Variants in F7 observed in about 807,000 individuals in gnomAD.
The protein encoded by F7 is coagulation factor VII, also known as FVII coagulation protein.
A neutral mutation model predicts 47.5 loss-of-function variants in F7; 38 were observed. The observed-to-expected ratio is 0.80, with a 90% CI of 0.62 to 1.05. F7 has a LOEUF of 1.05. F7 is among the 50% of genes least tolerant of loss of function. The pLI, the probability that F7 is intolerant of heterozygous loss-of-function variation, is 0.00. For synonymous variants in F7, 244 were observed against 258.5 expected, an observed-to-expected ratio of 0.94 and a Z score of 0.54; for missense variants, 575 against 605.4, an observed-to-expected ratio of 0.95 and a Z score of 0.53.
chr13:113,106,878 G>C (rs753973045), intron 1 of F7: 19 of 1,606,814 alleles, frequency 1.2e-5, no homozygotes, highest in Admixed American at 1.7e-5. Context: ...GGAGAAACAC[G>C]GGACATGCCG....
chr13:113,111,670 A>G (rs1422507304), intron 2 of F7, among the ~76,000 whole-genome samples: 12 of 77,002 alleles, frequency 1.6e-4, no homozygotes, highest in African/African-American at 3.3e-4. Context: ...ACCTCACACA[A>G]GACACCTCAC....
intron 1 of F7, among the ~76,000 whole-genome samples, chr13:113,107,308 GGCGTGGGT>G (rs2035983015): frequency 8.8e-6 from 1 of 113,406 alleles, no homozygotes; most frequent in Non-Finnish European, 1.9e-5. Context: ...GTGTCCCGGG[GGCGTGGGT>G]GTCCCGGGAG....
At chr13:113,117,878 T>A (rs1476957317) in intron 7 of F7, among the ~76,000 whole-genome samples, 2 of 152,232 alleles carry the variant, frequency 1.3e-5, no homozygotes, top group African/African-American at 4.8e-5. Flanking sequence ...CAGACAGACA[T>A]CCCCAAAAGG....
At position 113,107,027 on chromosome 13, in the gene F7, G is replaced by A. The variant is rs2035974239; in HGVS notation, c.64+1122G>A. On this transcript the variant is annotated intron_variant, in intron 1 of 7. Coordinates refer to ENST00000346342, the MANE Select transcript of F7 (RefSeq NM_019616.4). The stretch of plus-strand genomic sequence containing the variant: ...GGTGGCTACTGCAGTGCCCCCCAAG[G>A]AGGGTGTTCCCTGCTCGAGAGGAAG... 2.5e-6 allele frequency: 3 copies of A among 1,196,982 alleles called. No individual in the cohort carries two copies. The South Asian group carries it at 3.9e-5, about 16-fold the overall frequency. 74.1% of individuals were successfully genotyped at this position (1,196,982 alleles called of 1,614,324 possible). A position where few individuals can be genotyped will look rare whatever the true frequency, so the allele number is the denominator to read the frequency against.
intron 2 of F7, among the ~76,000 whole-genome samples, chr13:113,112,461 C>A (rs1181766316): frequency 2.7e-5 from 4 of 148,586 alleles, no homozygotes; most frequent in Admixed American, 2.7e-4. Context: ...TCACAGGATA[C>A]CTCACACTCA....
At chr13:113,117,404 C>G in intron 6 of F7, 69 bp from the exon 7 acceptor site, 3 of 1,602,376 alleles carry the variant, frequency 1.9e-6, no homozygotes, top group Non-Finnish European at 1.7e-6. Flanking sequence ...TTGGCATGCC[C>G]GGGAGGGCGA....
At position 113,110,842 on chromosome 13, in the gene F7, G is replaced by A. The variant is rs550453328; in HGVS notation, c.217G>A (p.Glu73Lys). Residue 73 changes from glutamate (E) to lysine (K), a missense_variant, in exon 2 of 8, where the codon GAG (glutamate) becomes AAG (lysine). Transcript: ENST00000346342. ...GGCCCGGGAGATCTTCAAGGACGCG[G>A]AGAGGACGGTGAGCCCAGCCTCGGG... ...EEAREIFKDA[E>K]RTKLFWISYS... 6.7e-5 allele frequency: 104 copies of A among 1,560,352 alleles called. No homozygotes were observed. Among genetic ancestry groups the A allele is most frequent in the Non-Finnish European group, 8.6e-5 (99 of 1,152,948 alleles).
At position 113,113,866 on chromosome 13, in the gene F7, A is replaced by G; in HGVS notation, c.270A>G (p.Ser90=). ...CCACAGATGGGGACCAGTGTGCCTC[A>G]AGTCCATGCCAGAATGGGGGCTCCT... ...ISYSDGDQCA[S]SPCQNGGSCK... is the part of the protein sequence containing the mutation. Residue 90 remains serine, a synonymous_variant, in exon 4 of 8, where the codon TCA becomes TCG. Transcript: ENST00000346342. This position sits in a 1 kb window ranked among gnomAD's most constrained non-coding sequence, Gnocchi z 4.1. 6.2e-7 allele frequency: 1 copy of G among 1,614,160 alleles called. No homozygotes were observed. The highest frequency in any genetic ancestry group is 8.5e-7 in the Non-Finnish European group (1 of 1,180,028).
At chr13:113,116,525 C>T (rs571359380) in intron 5 of F7, among the ~76,000 whole-genome samples, 2 of 152,384 alleles carry the variant, frequency 1.3e-5, no homozygotes, top group South Asian at 4.1e-4. Context: ...AAAACCAGCC[C>T]TGACCATTGT....
chr13:113,113,925 G>A lies in F7; in HGVS notation c.329G>A (p.Cys110Tyr). ...CAGCTCCAGTCCTATATCTGCTTCT[G>A]CCTCCCTGCCTTCGAGGGCCGGAAC... Reference protein sequence around the residue: ...KDQLQSYICFCLPAFEGRNCE... With the variant: ...KDQLQSYICFYLPAFEGRNCE... The change falls in exon 4 of 8, where the codon TGC (cysteine) becomes TAC (tyrosine). Residue 110 changes from cysteine (C) to tyrosine (Y), a missense_variant. Cys to Tyr is a radical substitution (Grantham distance 194). Transcript: ENST00000346342. The surrounding 1 kb of genome is among the most constrained non-coding windows in gnomAD (Gnocchi z 4.1). 1 of 1,614,126 alleles carries A rather than the reference G, an allele frequency of 6.2e-7. No individual in the cohort carries two copies.
chr13:113,107,361 T>C (rs1262436237), intron 1 of F7, among the ~76,000 whole-genome samples: 1 of 32,460 alleles, frequency 3.1e-5, no homozygotes, highest in African/African-American at 1.5e-4. Context: ...GTCCCGGGAG[T>C]GTGGGTGTCC....
chr13:113,112,999 G>T (rs979640599), intron 2 of F7, among the ~76,000 whole-genome samples: 2 of 151,308 alleles, frequency 1.3e-5, no homozygotes, highest in African/African-American at 4.9e-5. Flanking sequence ...ACCTCACACA[G>T]ATCATCTCAT....
chr13:113,111,524 C>T (rs1409276065), intron 2 of F7, among the ~76,000 whole-genome samples: 2 of 29,070 alleles, frequency 6.9e-5, no homozygotes, highest in Non-Finnish European at 1.4e-4. Flanking sequence ...CAGGTCACCT[C>T]ACACTCACAG....
chr13:113,108,493 C>T (rs111376062), intron 1 of F7, among the ~76,000 whole-genome samples: 6,363 of 6,704 alleles, frequency 0.95, 3,059 homozygotes, highest in East Asian at 0.97. Context: ...GCGTGGGTGT[C>T]CCGGAGGCGA....
intron 1 of F7, among the ~76,000 whole-genome samples, chr13:113,108,757 C>T (rs1348716509): frequency 1.6e-4 from 10 of 64,470 alleles, no homozygotes; most frequent in African/African-American, 5.7e-4. Context: ...GTTCCAGAGG[C>T]GAGGGTGTCC....
rs1294867599 is a variant in F7, at chr13:113,110,797, G to A, written c.172G>A (p.Glu58Lys). 1 of 1,555,884 alleles carries A rather than the reference G, an allele frequency of 6.4e-7. No individual in the cohort carries two copies. Among genetic ancestry groups the A allele is most frequent in the Admixed American group, 1.9e-5 (1 of 51,958 alleles). Residue 58 changes from glutamate (E) to lysine (K), a missense_variant, in exon 2 of 8, where the codon GAG becomes AAG. By Grantham distance (56) the Glu-to-Lys change is moderately conservative. Transcript: ENST00000346342. The part of the protein sequence containing the change: ...PGSLERECKE[E>K]QCSFEEAREI... ...CTCCCTGGAGAGGGAGTGCAAGGAG[G>A]AGCAGTGCTCCTTCGAGGAGGCCCG...
At chr13:113,110,560 G>A in intron 1 of F7, 130 bp from the exon 2 acceptor site, 3 of 1,298,102 alleles carry the variant, frequency 2.3e-6, no homozygotes, top group Non-Finnish European at 3.2e-6. Context: ...CCAGGCCCGC[G>A]AGCAGCGCCG....
In F7 at chr13:113,113,518, T is replaced by C. The variant is rs1386464665; in HGVS notation, c.226-234T>C. On this transcript the variant is annotated intron_variant, in intron 2 of 7. Coordinates refer to ENST00000346342, the MANE Select transcript of F7 (RefSeq NM_019616.4). The surrounding 1 kb of genome is among the most constrained non-coding windows in gnomAD (Gnocchi z 4.1). The stretch of plus-strand genomic sequence containing the variant: ...AGAAGAGTCAGGGTTGAACCTCGGG[T>C]GTTCTGACTTGGGAGCAGGAAATGT... Among the ~76,000 whole-genome samples, 3 of 152,134 alleles carry C rather than the reference T, an allele frequency of 2.0e-5. No homozygotes were observed. The highest frequency in any genetic ancestry group is 4.4e-5 in the Non-Finnish European group (3 of 68,024).
intron 7 of F7, among the ~76,000 whole-genome samples, chr13:113,117,996 C>G (rs73578955): frequency 1.1e-3 from 166 of 152,370 alleles, no homozygotes; most frequent in African/African-American, 3.9e-3. Flanking sequence ...TCCTGCCTCA[C>G]TTGACCAAGA....
Sources: gnomAD v4.1 joint callset for allele counts (sites outside exome capture counted in the v4.1 genomes callset) on GRCh38, gnomAD v4.1.1 for gene constraint, Gnocchi (gnomAD v3.1) non-coding constraint, MANE v1.5 for transcripts, NCBI Gene and HGNC (gene_info 2026-07-23, HGNC 2026-07-21) for gene names.